The following DENND1B variants were observed in gnomAD, a reference collection of about 807,000 sequenced individuals.
DENND1B encodes DENN domain-containing protein 1B.
In DENND1B, 59 loss-of-function variants were observed where a neutral mutation model predicts 90.1. The ratio of observed to expected loss-of-function variants is 0.65; its 90% CI spans 0.53 to 0.81. The LOEUF is 0.81. Among genes scored for constraint, DENND1B ranks in the 40% least tolerant of loss-of-function variants. The probability of loss-of-function intolerance (pLI) is 0.00; values close to 1 mark genes in which losing one functional copy is unlikely to be tolerated. For missense variants in DENND1B, 862 were observed against 912.6 expected, an observed-to-expected ratio of 0.94 and a Z score of 0.71; for synonymous variants, 337 against 324.6, an observed-to-expected ratio of 1.04 and a Z score of -0.41.
intron 5 of DENND1B, among the ~76,000 whole-genome samples, chr1:197,662,527 A>G (rs79599941): frequency 0.011 from 1,736 of 152,126 alleles, 13 homozygotes; most frequent in Non-Finnish European, 0.017. Flanking sequence ...CAGACAGTCT[A>G]TCACCCTATC....
rs529509864 is a variant in DENND1B at position 197,628,367 on chromosome 1, C to T, written c.673-10608G>A. 7.3e-3 allele frequency among the ~76,000 whole-genome samples: 1,115 copies of T among 151,994 alleles called. 10 individuals are homozygous for T. The highest frequency in any genetic ancestry group is 0.024 in the African/African-American group (985 of 41,466). On this transcript the variant is annotated intron_variant, in intron 10 of 22. Transcript: ENST00000620048. The stretch of plus-strand genomic sequence containing the variant: ...AACAGAACAGAGCCCTCAGAAATAA[C>T]GCCGCATAACTACAACTATCTGATC...
At chr1:197,647,451 C>T (rs1034688974) in intron 7 of DENND1B, among the ~76,000 whole-genome samples, 3 of 152,078 alleles carry the variant, frequency 2.0e-5, no homozygotes, top group Non-Finnish European at 4.4e-5. Context: ...GGAACAAAAA[C>T]TTACATAATC....
intron 2 of DENND1B, among the ~76,000 whole-genome samples, chr1:197,766,221 C>A (rs1381669965): frequency 6.6e-6 from 1 of 152,192 alleles, no homozygotes; most frequent in Non-Finnish European, 1.5e-5. Context: ...AGGTATCAGC[C>A]ACCATGCCTG....
intron 12 of DENND1B, among the ~76,000 whole-genome samples, chr1:197,608,670 T>G (rs1158546301): frequency 1.3e-5 from 2 of 150,568 alleles, no homozygotes; most frequent in African/African-American, 4.8e-5. Context: ...GATGTATTTG[T>G]TAAGGGATAA....
Position 197,772,967 on chromosome 1 carries a change from CAAAT to C in DENND1B, c.18-39_18-36del. Reference sequence around the variant, plus strand: ...AAAAGTTTAAATTAATTTCCTATGACAAATAAACATCTCCATGAAACTTGTATTT... The same window carrying C: ...AAAAGTTTAAATTAATTTCCTATGACAAACATCTCCATGAAACTTGTATTT... On this transcript the variant is annotated intron_variant, in intron 1 of 22. Coordinates refer to ENST00000620048, the MANE Select transcript of DENND1B (RefSeq NM_001195215.2). 5 of 1,473,196 alleles carry C rather than the reference CAAAT, an allele frequency of 3.4e-6. No individual in the cohort carries two copies. In the South Asian group the frequency reaches 6.1e-5, roughly 18 times the overall value. The allele number at this position is 1,473,196 out of a possible 1,614,324, so 91.3% of individuals were successfully genotyped here. A position where few individuals can be genotyped will look rare whatever the true frequency, so the allele number is the denominator to read the frequency against.
intron 18 of DENND1B, among the ~76,000 whole-genome samples, chr1:197,545,265 C>T (rs1670721795): frequency 6.6e-6 from 1 of 151,966 alleles, no homozygotes. Flanking sequence ...ATTAGCCAGG[C>T]ATGGTGGTGG....
intron 21 of DENND1B, among the ~76,000 whole-genome samples, 162 bp downstream of exon 21, chr1:197,512,709 C>G (rs146830401): frequency 2.6e-5 from 4 of 151,532 alleles, no homozygotes; most frequent in African/African-American, 9.7e-5. Flanking sequence ...CCAAGATATC[C>G]CCCATAACAT....
rs547718326 is a variant in DENND1B at position 197,747,176 on chromosome 1, C to T, written c.82+25692G>A. On this transcript the variant is annotated intron_variant, in intron 2 of 22. Transcript: ENST00000620048. ...TTTTTCCCTCTGAATCTTGAGGTTGCGTTTTTCTGTTCAGAATGTTTTTTA... is the reference window on the plus strand; with the variant it reads ...TTTTTCCCTCTGAATCTTGAGGTTGTGTTTTTCTGTTCAGAATGTTTTTTA... 14 of 746,962 alleles carry T rather than the reference C, an allele frequency of 1.9e-5. 1 individual carries two copies. The highest frequency in any genetic ancestry group is 7.0e-5 in the South Asian group (5 of 71,642). 46.3% of individuals were successfully genotyped at this position (746,962 alleles called of 1,614,324 possible).
intron 2 of DENND1B, among the ~76,000 whole-genome samples, chr1:197,725,173 T>C (rs529699330): frequency 8.5e-5 from 13 of 152,064 alleles, no homozygotes; most frequent in African/African-American, 2.7e-4. Flanking sequence ...CACAATGAAA[T>C]TGCAAAGTAT....
chr1:197,642,827 C>T lies in DENND1B; in HGVS notation c.562-6G>A. 10 of 1,601,830 alleles carry T rather than the reference C, an allele frequency of 6.2e-6. No homozygotes were observed. Among genetic ancestry groups the T allele is most frequent in the Non-Finnish European group, 7.7e-6 (9 of 1,171,366 alleles). On this transcript the variant is annotated splice_region_variant and splice_polypyrimidine_tract_variant and intron_variant, in intron 9 of 22. Transcript: ENST00000620048. ...AAATATTCTGTAAGATTTCTCTGTA[C>T]AAGTAAAAGATAATTGTGTAAGTTA... is the stretch of plus-strand genomic sequence containing the variant.
intron 2 of DENND1B, among the ~76,000 whole-genome samples, chr1:197,721,529 T>C (rs868572651): frequency 5.7e-4 from 25 of 43,484 alleles, no homozygotes; most frequent in African/African-American, 3.9e-3. Flanking sequence ...GGAAAGGACA[T>C]AAATTACACA....
chr1:197,623,620 A>G (rs1678374525), intron 10 of DENND1B, among the ~76,000 whole-genome samples: 1 of 151,494 alleles, frequency 6.6e-6, no homozygotes, highest in African/African-American at 2.4e-5. Flanking sequence ...TCATAGCAAA[A>G]CTGAGCAGAA....
chr1:197,735,548 A>G, intron 2 of DENND1B: 1 of 1,613,698 alleles, frequency 6.2e-7, no homozygotes, highest in South Asian at 1.1e-5. Context: ...CCATTTACAA[A>G]GTGTTCTTAG....
At chr1:197,640,503 T>C (rs1680175387) in intron 10 of DENND1B, among the ~76,000 whole-genome samples, 1 of 151,868 alleles carries the variant, frequency 6.6e-6, no homozygotes, top group South Asian at 2.1e-4. Context: ...TATAAACTAT[T>C]ATAAAATTAT....
At chr1:197,654,349 G>C (rs1402346887) in intron 6 of DENND1B, among the ~76,000 whole-genome samples, 1 of 151,984 alleles carries the variant, frequency 6.6e-6, no homozygotes, top group African/African-American at 2.4e-5. Flanking sequence ...GGTGGCTCCC[G>C]CCTGTAATCC....
At chr1:197,777,772 G>A (rs781221914), upstream of DENND1B, among the ~76,000 whole-genome samples, 9 of 151,966 alleles carry the variant, frequency 5.9e-5, no homozygotes, top group Non-Finnish European at 1.0e-4. Context: ...CAAAGAACAT[G>A]GTCTTTATTT....
At chr1:197,592,907 CTGAG>C (rs1220777405) in intron 14 of DENND1B, among the ~76,000 whole-genome samples, 1 of 152,094 alleles carries the variant, frequency 6.6e-6, no homozygotes, top group Non-Finnish European at 1.5e-5. Context: ...TTAACACCTA[CTGAG>C]TAATATTTTC....
At chr1:197,527,825 CTTTT>C (rs1048862025) in intron 20 of DENND1B, among the ~76,000 whole-genome samples, 1 of 151,038 alleles carries the variant, frequency 6.6e-6, no homozygotes. Flanking sequence ...TTTACAATCA[CTTTT>C]TTTTTGGTCA....
At chr1:197,687,348 G>A (rs997367414) in intron 3 of DENND1B, among the ~76,000 whole-genome samples, 7 of 152,104 alleles carry the variant, frequency 4.6e-5, no homozygotes, top group African/African-American at 1.4e-4. Context: ...AAGTATTATC[G>A]ATGCTTCCAA....
Sources: gnomAD v4.1 joint callset for allele counts (sites outside exome capture counted in the v4.1 genomes callset) on GRCh38, gnomAD v4.1.1 for gene constraint, MANE v1.5 for transcripts, NCBI Gene and HGNC (gene_info 2026-07-23, HGNC 2026-07-21) for gene names.